The following LRRC7 variants were observed in gnomAD, a reference collection of about 807,000 sequenced individuals.
The protein encoded by LRRC7 is leucine-rich repeat-containing protein 7.
A neutral mutation model predicts 175.7 loss-of-function variants in LRRC7; 23 were observed. That is an observed-to-expected ratio of 0.13 (90% CI 0.09 to 0.19). LRRC7 has a LOEUF of 0.19. LRRC7 is among the 10% of genes least tolerant of loss of function. LRRC7 has a pLI of 1.00. For missense variants in LRRC7, 1,354 were observed against 1,904.7 expected, an observed-to-expected ratio of 0.71 and a Z score of 5.38; for synonymous variants, 685 against 680.9, an observed-to-expected ratio of 1.01 and a Z score of -0.09.
intron 23 of LRRC7, among the ~76,000 whole-genome samples, chr1:70,065,160 T>C (rs1661874825): frequency 6.6e-6 from 1 of 151,936 alleles, no homozygotes; most frequent in South Asian, 2.1e-4. Flanking sequence ...TAATACAGGG[T>C]ACCTTGCATA....
At chr1:69,935,969 T>C (rs1418546016) in intron 8 of LRRC7, among the ~76,000 whole-genome samples, 1 of 152,202 alleles carries the variant, frequency 6.6e-6, no homozygotes. Flanking sequence ...AATTCATTTC[T>C]GTGGGGGGCT....
At chr1:69,887,896 C>G (rs944851475) in intron 7 of LRRC7, among the ~76,000 whole-genome samples, 1 of 146,668 alleles carries the variant, frequency 6.8e-6, no homozygotes, top group African/African-American at 2.6e-5. Flanking sequence ...GTCAGTGTGC[C>G]CCTGCTGGGG....
At chr1:69,904,466 T>G (rs982891580) in intron 7 of LRRC7, among the ~76,000 whole-genome samples, 4 of 151,910 alleles carry the variant, frequency 2.6e-5, no homozygotes, top group Admixed American at 6.6e-5. Flanking sequence ...GAAAAAACCA[T>G]GCAAATGGAA....
intron 2 of LRRC7, among the ~76,000 whole-genome samples, chr1:69,758,093 T>G (rs1238591669): frequency 6.6e-6 from 1 of 152,018 alleles, no homozygotes; most frequent in East Asian, 1.9e-4. Context: ...AAGTGCCTAT[T>G]ATATATAATA....
chr1:69,751,129 TA>T (rs1244232842), intron 2 of LRRC7, among the ~76,000 whole-genome samples: 1 of 152,158 alleles, frequency 6.6e-6, no homozygotes, highest in Non-Finnish European at 1.5e-5. Context: ...TGTCAATATG[TA>T]AAAAGGATAA....
At chr1:69,781,777 GAAAGAAAGA>G (rs1443443240) in intron 3 of LRRC7, among the ~76,000 whole-genome samples, 3 of 60,800 alleles carry the variant, frequency 4.9e-5, no homozygotes, top group African/African-American at 2.5e-4. Flanking sequence ...AAGAAAGAAA[GAAAGAAAGA>G]AAGGAAGGAA....
intron 1 of LRRC7, among the ~76,000 whole-genome samples, chr1:69,639,396 T>A (rs536689460): frequency 2.0e-5 from 3 of 151,874 alleles, no homozygotes; most frequent in Admixed American, 6.6e-5. Flanking sequence ...GCCTAAGTGG[T>A]ATGGTTTTCT....
chr1:69,803,323 T>C (rs1021627598), intron 4 of LRRC7, among the ~76,000 whole-genome samples: 3 of 151,484 alleles, frequency 2.0e-5, no homozygotes, highest in Admixed American at 6.6e-5. Flanking sequence ...TTGGCTTTAA[T>C]TGAAAGATTA....
intron 2 of LRRC7, among the ~76,000 whole-genome samples, chr1:69,707,948 A>G (rs1168301664): frequency 6.6e-6 from 1 of 152,178 alleles, no homozygotes; most frequent in Non-Finnish European, 1.5e-5. Context: ...AACGGGTGGT[A>G]TAAGAGAGTA....
intron 8 of LRRC7, among the ~76,000 whole-genome samples, chr1:69,946,325 C>G (rs1379312377): frequency 6.6e-6 from 1 of 152,076 alleles, no homozygotes; most frequent in Non-Finnish European, 1.5e-5. Flanking sequence ...AGATAAATCC[C>G]ACTTACAAAT....
intron 2 of LRRC7, among the ~76,000 whole-genome samples, chr1:69,721,301 A>G (rs879772181): frequency 3.9e-5 from 6 of 151,934 alleles, no homozygotes; most frequent in Non-Finnish European, 7.4e-5. Context: ...GGACAAATGT[A>G]TAATGACTTA....
At position 69,657,826 on chromosome 1, in the gene LRRC7, T is replaced by C. The variant is rs186831788; in HGVS notation, c.3-20555T>C. On this transcript the variant is annotated intron_variant, in intron 1 of 26. Coordinates refer to ENST00000651989, the MANE Select transcript of LRRC7 (RefSeq NM_001370785.2). ...TTTCAGGCCGTTCCTTATTTCAGGT[T>C]CTTCACCACAGTCACAGACTTATTT... Among the ~76,000 whole-genome samples the C allele has an allele frequency of 1.1e-4, 17 of 152,022 alleles. 1 individual carries two copies. Among genetic ancestry groups the C allele is most frequent in the Admixed American group, 1.0e-3 (16 of 15,248 alleles).
intron 1 of LRRC7, among the ~76,000 whole-genome samples, chr1:69,644,274 G>A (rs1654672293): frequency 1.3e-5 from 2 of 151,730 alleles, no homozygotes; most frequent in African/African-American, 4.8e-5. Flanking sequence ...AAGTATGGTG[G>A]CATATTTTTG....
At chr1:69,931,338 G>A (rs1336955692) in intron 7 of LRRC7, among the ~76,000 whole-genome samples, 169 bp from the exon 8 acceptor site, 1 of 152,148 alleles carries the variant, frequency 6.6e-6, no homozygotes, top group Non-Finnish European at 1.5e-5. Context: ...CTTTTCAGCT[G>A]GCAGTTTGCA....
In LRRC7 at chr1:70,076,673, T is replaced by C. The variant is rs115659007; in HGVS notation, c.4452+375T>C. On this transcript the variant is annotated intron_variant, in intron 24 of 26. Transcript: ENST00000651989. ...CCAAGTCTGCTGTTGAAACCTTCAG[T>C]GTGAAAGTAAACTATATTATTTCCC... 3.8e-3 allele frequency among the ~76,000 whole-genome samples: 585 copies of C among 152,326 alleles called. 4 individuals carry two copies. Among genetic ancestry groups the C allele is most frequent in the African/African-American group, 0.013 (553 of 41,576 alleles).
At chr1:69,621,841 C>T in intron 1 of LRRC7, among the ~76,000 whole-genome samples, 1 of 152,176 alleles carries the variant, frequency 6.6e-6, no homozygotes, top group East Asian at 1.9e-4. Context: ...CAGCCATTTC[C>T]TTTCATCAGT....
At chr1:69,676,372 T>C (rs1430415194) in intron 1 of LRRC7, among the ~76,000 whole-genome samples, 1 of 152,104 alleles carries the variant, frequency 6.6e-6, no homozygotes, top group African/African-American at 2.4e-5. Context: ...ACCAGTGATA[T>C]CCCTGGTTGA....
intron 7 of LRRC7, among the ~76,000 whole-genome samples, chr1:69,919,070 G>C (rs574559170): frequency 3.3e-5 from 5 of 152,162 alleles, no homozygotes; most frequent in Admixed American, 3.3e-4. Flanking sequence ...AAAAGGAATC[G>C]ATCAAATTTA....
At chr1:69,576,946 ACTAT>A (rs1183393373) in intron 1 of LRRC7, among the ~76,000 whole-genome samples, 2 of 152,164 alleles carry the variant, frequency 1.3e-5, no homozygotes, top group African/African-American at 4.8e-5. Context: ...TATCTTTTGC[ACTAT>A]CTAATTTTAT....
Sources: allele counts gnomAD v4.1 joint callset (sites outside exome capture counted in the v4.1 genomes callset), GRCh38; gene constraint gnomAD v4.1.1; transcripts MANE v1.5; gene names NCBI Gene and HGNC (gene_info 2026-07-23, HGNC 2026-07-21).